The following PALD1 variants were observed in gnomAD, a reference collection of about 807,000 sequenced individuals.
The protein encoded by PALD1 is paladin.
PALD1 carries 57 observed loss-of-function variants against 96.0 expected under a neutral mutation model. The observed-to-expected ratio is 0.59, with a 90% CI of 0.48 to 0.74. The LOEUF is 0.74. PALD1 is among the 30% of genes least tolerant of loss of function. PALD1 has a pLI of 0.00. For synonymous variants in PALD1, 464 were observed against 473.6 expected (o/e 0.98, Z 0.26); for missense variants, 1,063 against 1,143.7 (o/e 0.93, Z 1.02).
intron 18 of PALD1, among the ~76,000 whole-genome samples, chr10:70,563,190 C>T (rs1445114085): frequency 6.6e-6 from 1 of 152,150 alleles, no homozygotes; most frequent in African/African-American, 2.4e-5. Context: ...GAACCGCTGA[C>T]CTGGGATAAA....
chr10:70,517,585 G>A (rs1846645614), intron 1 of PALD1, among the ~76,000 whole-genome samples: 1 of 152,030 alleles, frequency 6.6e-6, no homozygotes, highest in East Asian at 1.9e-4. Flanking sequence ...CAGGTGATCC[G>A]CTCACCTCGG....
intron 18 of PALD1, among the ~76,000 whole-genome samples, chr10:70,553,184 A>G (rs568617322): frequency 2.0e-5 from 3 of 152,260 alleles, no homozygotes; most frequent in Admixed American, 6.5e-5. Flanking sequence ...TTCCATCTAC[A>G]TTAATTAACT....
In PALD1 at chr10:70,564,485, C is replaced by A; in HGVS notation, c.2384C>A (p.Ser795Tyr). ...NAYLHLEKAD[S>Y]WQRPFSTWMQ... ...TACCTCCACCTGGAGAAGGCCGACTCCTGGCAGAGGCCCTTCAGCACCTGG... is the reference window on the plus strand; with the variant it reads ...TACCTCCACCTGGAGAAGGCCGACTACTGGCAGAGGCCCTTCAGCACCTGG... The change falls in exon 19 of 20, where the codon TCC becomes TAC. Residue 795 changes from serine to tyrosine, a missense_variant. By Grantham distance (144) the Ser-to-Tyr change is moderately radical. Transcript: ENST00000263563. The A allele has an allele frequency of 1.2e-6, 2 of 1,614,106 alleles. No individual in the cohort carries two copies. Among genetic ancestry groups the A allele is most frequent in the African/African-American group, 2.7e-5 (2 of 75,072 alleles).
chr10:70,566,969 C>T lies in PALD1; in HGVS notation c.*236C>T, dbSNP rs1847868777. 3.8e-6 allele frequency: 2 copies of T among 527,608 alleles called. No individual in the cohort carries two copies. The highest frequency in any genetic ancestry group is 5.3e-5 in the South Asian group (2 of 37,716). The allele number at this position is 527,608 out of a possible 1,614,324, so 32.7% of individuals were successfully genotyped here. On this transcript the variant is annotated 3_prime_UTR_variant, in exon 20 of 20. Transcript: ENST00000263563. ...TGTGTGGCTGACCTCCAGGGAGGAG[C>T]ACTCACTGGAGTGCTCACAAGGTGC...
At chr10:70,481,651 T>G (rs1845933968) in intron 1 of PALD1, among the ~76,000 whole-genome samples, 2 of 152,216 alleles carry the variant, frequency 1.3e-5, no homozygotes, top group African/African-American at 4.8e-5. Context: ...TGTCTGGGGA[T>G]TCTCCTTCTG....
intron 1 of PALD1, among the ~76,000 whole-genome samples, chr10:70,483,254 G>A (rs1845964703): frequency 6.6e-6 from 1 of 152,126 alleles, no homozygotes; most frequent in African/African-American, 2.4e-5. Context: ...GCGTGGCAGA[G>A]GTGTGACAGC....
chr10:70,546,394 A>T (rs1847363116), intron 17 of PALD1, among the ~76,000 whole-genome samples: 1 of 152,246 alleles, frequency 6.6e-6, no homozygotes, highest in Non-Finnish European at 1.5e-5. Context: ...AACATCTTAA[A>T]TGACTTATAT....
At chr10:70,511,794 C>T (rs10999363) in intron 1 of PALD1, among the ~76,000 whole-genome samples, 25 of 152,232 alleles carry the variant, frequency 1.6e-4, no homozygotes, top group Non-Finnish European at 2.5e-4. Flanking sequence ...TTTGGGAGGC[C>T]GAGGCAGGTG....
chr10:70,496,638 A>G (rs1183625910), intron 1 of PALD1, among the ~76,000 whole-genome samples: 2 of 152,268 alleles, frequency 1.3e-5, no homozygotes, highest in East Asian at 1.9e-4. Context: ...GGTAGGGACA[A>G]TTTGTTAATT....
At chr10:70,482,361 GT>G in intron 1 of PALD1, among the ~76,000 whole-genome samples, 1 of 152,186 alleles carries the variant, frequency 6.6e-6, no homozygotes, top group East Asian at 1.9e-4. Context: ...CATGGCTTTC[GT>G]TTCCCAGAGG....
chr10:70,561,201 C>T (rs1847731451), intron 18 of PALD1, among the ~76,000 whole-genome samples: 1 of 152,252 alleles, frequency 6.6e-6, no homozygotes, highest in African/African-American at 2.4e-5. Flanking sequence ...AGCCTCCATC[C>T]CCACGGCTGT....
the PALD1 span, among the ~76,000 whole-genome samples, chr10:70,470,130 A>G: frequency 1.3e-5 from 2 of 152,258 alleles, no homozygotes; most frequent in Admixed American, 1.3e-4. Flanking sequence ...TATTATGTCC[A>G]TCGTATTCTG....
chr10:70,532,896 C>A, intron 6 of PALD1, 99 bp from the exon 7 acceptor site: 1 of 1,503,812 alleles, frequency 6.6e-7, no homozygotes, highest in East Asian at 2.3e-5. Context: ...CCATGTCTCC[C>A]ACAGTGGGGC....
the PALD1 span, among the ~76,000 whole-genome samples, chr10:70,465,491 C>T: frequency 5.9e-5 from 9 of 152,254 alleles, no homozygotes; most frequent in African/African-American, 2.2e-4. Flanking sequence ...TACTGAGCAC[C>T]TACTATATAT....
chr10:70,482,769 G>C (rs1845955344), intron 1 of PALD1, among the ~76,000 whole-genome samples: 1 of 152,200 alleles, frequency 6.6e-6, no homozygotes, highest in Admixed American at 6.5e-5. Context: ...AGTCCCTTGT[G>C]TAACAGGGTT....
intron 18 of PALD1, among the ~76,000 whole-genome samples, chr10:70,553,106 C>T (rs1186259032): frequency 6.6e-6 from 1 of 152,156 alleles, no homozygotes; most frequent in African/African-American, 2.4e-5. Context: ...TGTCGTCTCT[C>T]CTATTATGAC....
rs1564707271 is a variant in PALD1, at chr10:70,547,451, G to C, written c.2262+5G>C. On this transcript the variant is annotated splice_donor_5th_base_variant and intron_variant, in intron 18 of 19. Coordinates refer to ENST00000263563, the MANE Select transcript of PALD1 (RefSeq NM_014431.3). ...ATCATCTGCACCTACCGCCAGGTGA[G>C]CCCCCACCCCACCCCACCCCACCCT... 9 of 1,585,850 alleles carry C rather than the reference G, an allele frequency of 5.7e-6. No individual in the cohort carries two copies. In the South Asian group the frequency reaches 1.0e-4, roughly 18 times the overall value.
chr10:70,546,777 C>T (rs149685473), intron 17 of PALD1, among the ~76,000 whole-genome samples: 108 of 152,226 alleles, frequency 7.1e-4, no homozygotes, highest in African/African-American at 2.4e-3. Context: ...TGCCAAAACC[C>T]CGTTTCTACT....
At chr10:70,489,136 C>T (rs1846060960) in intron 1 of PALD1, among the ~76,000 whole-genome samples, 1 of 152,128 alleles carries the variant, frequency 6.6e-6, no homozygotes, top group African/African-American at 2.4e-5. Context: ...TTTAGGCAGC[C>T]TGTAGGGGCC....
Sources: allele counts gnomAD v4.1 joint callset (sites outside exome capture counted in the v4.1 genomes callset), GRCh38; gene constraint gnomAD v4.1.1; transcripts MANE v1.5; gene names NCBI Gene and HGNC (gene_info 2026-07-23, HGNC 2026-07-21).